HFM1: variants seen among roughly 807,000 people sequenced by gnomAD.
HFM1 encodes helicase for meiosis 1.
HFM1 carries 169 observed loss-of-function variants against 192.1 expected under a neutral mutation model. That is an observed-to-expected ratio of 0.88 (90% confidence interval 0.78 to 1.00). The LOEUF (loss-of-function observed/expected upper bound fraction) is 1.00. HFM1 is among the 50% of genes least tolerant of loss of function. The probability of loss-of-function intolerance (pLI) is 0.00; values close to 1 mark genes in which losing one functional copy is unlikely to be tolerated. For synonymous variants in HFM1, 525 were observed against 537.8 expected, an observed-to-expected ratio of 0.98 and a Z score of 0.33; for missense variants, 1,661 against 1,668.0, an observed-to-expected ratio of 1.00 and a Z score of 0.07.
At chr1:91,378,233 T>A (rs770451164) in intron 10 of HFM1, 50 bp from the exon 11 acceptor site, 11 of 1,375,622 alleles carry the variant, frequency 8.0e-6, no homozygotes, top group Non-Finnish European at 9.9e-7. Context: ...TAAAAATACA[T>A]TTAATCAATT....
intron 34 of HFM1, among the ~76,000 whole-genome samples, chr1:91,270,785 A>G (rs1666218192): frequency 6.6e-6 from 1 of 152,164 alleles, no homozygotes; most frequent in Admixed American, 6.6e-5. Flanking sequence ...GAACTTAGAA[A>G]GTCACTAAAT....
In HFM1 at chr1:91,401,985, A is replaced by AT. The variant is rs553155689; in HGVS notation, c.-27-877dup. ...AGAATTATTTTTCCCTGCATATCCT[A>AT]TTTTTTTCTAAATTCTTAAACATCA... On this transcript the variant is annotated intron_variant, in intron 1 of 38. Transcript: ENST00000370425. Among the ~76,000 whole-genome samples the AT allele has an allele frequency of 2.3e-3, 352 of 152,156 alleles. 1 individual carries two copies. Among genetic ancestry groups the AT allele is most frequent in the African/African-American group, 8.0e-3 (331 of 41,538 alleles).
At chr1:91,306,505 C>T (rs1008424371) in intron 30 of HFM1, among the ~76,000 whole-genome samples, 2 of 151,996 alleles carry the variant, frequency 1.3e-5, no homozygotes, top group Non-Finnish European at 2.9e-5. Flanking sequence ...TATTGATCTA[C>T]TTTTGAATGG....
In HFM1 at chr1:91,262,370, G is replaced by C. The variant is rs1447884999; in HGVS notation, c.4109C>G (p.Pro1370Arg). The C allele has an allele frequency of 1.3e-6, 2 of 1,575,576 alleles. No homozygotes were observed. The highest frequency in any genetic ancestry group is 1.7e-6 in the Non-Finnish European group (2 of 1,160,854). Residue 1370 changes from proline (P) to arginine (R), a missense_variant, in exon 38 of 39, where the codon CCA (proline) becomes CGA (arginine). Pro to Arg is a moderately radical substitution (Grantham distance 103). Coordinates refer to ENST00000370425, the MANE Select transcript of HFM1 (RefSeq NM_001017975.6). ...AVIVHFQERK[P>R]QNLSPEIEKQ... ...CTCAATCTCTGGTGACAGATTTTGTGGTTTTCTTTCTTGAAAATGGACCTA... is the reference window on the plus strand; with the variant it reads ...CTCAATCTCTGGTGACAGATTTTGTCGTTTTCTTTCTTGAAAATGGACCTA...
At chr1:91,400,347 T>G (rs1664162670) in intron 2 of HFM1, among the ~76,000 whole-genome samples, 1 of 152,208 alleles carries the variant, frequency 6.6e-6, no homozygotes. Context: ...ATACTGTCCA[T>G]TCTGTTTCCA....
At chr1:91,329,248 C>T (rs1322680745) in intron 20 of HFM1, 1 of 1,609,532 alleles carries the variant, frequency 6.2e-7, no homozygotes, top group African/African-American at 1.3e-5. Flanking sequence ...GTGCTGGGCC[C>T]AGAGTCTGTG....
intron 11 of HFM1, 29 bp from the exon 12 acceptor site, chr1:91,375,756 A>T: frequency 1.9e-6 from 3 of 1,596,800 alleles, no homozygotes; most frequent in Non-Finnish European, 8.6e-7. Flanking sequence ...TGTGCATTAA[A>T]ATTTTCTTCT....
chr1:91,379,265 C>A lies in HFM1; in HGVS notation c.1007-51G>T, dbSNP rs147800003. On this transcript the variant is annotated intron_variant, in intron 8 of 38. Coordinates refer to ENST00000370425, the MANE Select transcript of HFM1 (RefSeq NM_001017975.6). ...TGAACATCAGTTCAATTTTAAAATTCTTTTCACAAACTTTGGTTAATAAAG... is the reference window on the plus strand; with the variant it reads ...TGAACATCAGTTCAATTTTAAAATTATTTTCACAAACTTTGGTTAATAAAG... The A allele has an allele frequency of 1.4e-3, 1,959 of 1,438,604 alleles. 17 individuals are homozygous for A. The East Asian group carries it at 0.023, about 17-fold the overall frequency. 89.1% of individuals were successfully genotyped at this position (1,438,604 alleles called of 1,614,324 possible). A position where few individuals can be genotyped will look rare whatever the true frequency, so the allele number is the denominator to read the frequency against.
At chr1:91,309,123 T>A (rs1382561825) in intron 30 of HFM1, among the ~76,000 whole-genome samples, 1 of 152,206 alleles carries the variant, frequency 6.6e-6, no homozygotes, top group Non-Finnish European at 1.5e-5. Flanking sequence ...TCTAAATGCG[T>A]TCTTCCTGTC....
At chr1:91,315,695 T>G (rs1651087931) in intron 28 of HFM1, 120 bp downstream of exon 28, 4 of 639,942 alleles carry the variant, frequency 6.3e-6, no homozygotes, top group Admixed American at 3.1e-5. Flanking sequence ...CCCATTATTG[T>G]GTCAGGAAAA....
chr1:91,312,566 C>T (rs1351134757), intron 30 of HFM1, among the ~76,000 whole-genome samples: 1 of 152,172 alleles, frequency 6.6e-6, no homozygotes, highest in African/African-American at 2.4e-5. Flanking sequence ...TATCTGTACC[C>T]CCATTATATC....
chr1:91,314,771 G>A (rs1650959861), intron 28 of HFM1, among the ~76,000 whole-genome samples: 1 of 152,084 alleles, frequency 6.6e-6, no homozygotes, highest in Non-Finnish European at 1.5e-5. Context: ...CCATTTTTAT[G>A]ACTAAACTTA....
rs184912595 is a variant in HFM1, at chr1:91,402,011, T to C, written c.-27-902A>G. Among the ~76,000 whole-genome samples, 13 of 152,218 alleles carry C rather than the reference T, an allele frequency of 8.5e-5. No homozygotes were observed. The East Asian group carries it at 2.1e-3, about 25-fold the overall frequency. On this transcript the variant is annotated intron_variant, in intron 1 of 38. Coordinates refer to ENST00000370425, the MANE Select transcript of HFM1 (RefSeq NM_001017975.6). ...TTTTTTTCTAAATTCTTAAACATCA[T>C]AGAACATTCTATATGACAAACCATA...
At chr1:91,329,134 A>G (rs1201136680) in intron 20 of HFM1, 7 of 1,609,828 alleles carry the variant, frequency 4.3e-6, no homozygotes, top group Non-Finnish European at 6.0e-6. Flanking sequence ...ATCCAGAAGC[A>G]CAAGAGCATC....
chr1:91,385,413 C>G (rs17131419), intron 5 of HFM1, among the ~76,000 whole-genome samples, 162 bp downstream of exon 5: 14,669 of 152,010 alleles, frequency 0.097, 748 homozygotes, highest in East Asian at 0.16. Context: ...AATATTTTAA[C>G]ACACAGCACA....
intron 2 of HFM1, 89 bp downstream of exon 2, chr1:91,400,915 TTATTTGTA>T: frequency 3.6e-6 from 2 of 559,620 alleles, no homozygotes; most frequent in Non-Finnish European, 6.3e-6. Flanking sequence ...TTCCTCATTT[TTATTTGTA>T]TATTTACCAG....
At chr1:91,328,623 C>G (rs867227849) in intron 20 of HFM1, 1 of 1,598,038 alleles carries the variant, frequency 6.3e-7, no homozygotes. Flanking sequence ...GCATCAAGCC[C>G]ATGTATGTCT....
At position 91,282,847 on chromosome 1, in the gene HFM1, GA is replaced by G. The variant is rs1394637384; in HGVS notation, c.3392-5786del. ...TTGCCTTTGGGTCTTAAATACTAAAGAACTTCTAAAAAAGATGCATGTCTAA... is the reference window on the plus strand; with the variant it reads ...TTGCCTTTGGGTCTTAAATACTAAAGACTTCTAAAAAAGATGCATGTCTAA... On this transcript the variant is annotated intron_variant, in intron 30 of 38. Coordinates refer to ENST00000370425, the MANE Select transcript of HFM1 (RefSeq NM_001017975.6). Among the ~76,000 whole-genome samples, 5 of 152,218 alleles carry G rather than the reference GA, an allele frequency of 3.3e-5. No individual in the cohort carries two copies. The South Asian group carries it at 1.0e-3, about 32-fold the overall frequency.
At chr1:91,263,342 G>A (rs1665348013) in intron 36 of HFM1, among the ~76,000 whole-genome samples, 2 of 152,094 alleles carry the variant, frequency 1.3e-5, no homozygotes, top group Admixed American at 1.3e-4. Context: ...GGGCAGTGTG[G>A]GTGGAGACAG....
Sources: allele counts gnomAD v4.1 joint callset (sites outside exome capture counted in the v4.1 genomes callset), GRCh38; gene constraint gnomAD v4.1.1; transcripts MANE v1.5; gene names NCBI Gene and HGNC (gene_info 2026-07-23, HGNC 2026-07-21).